The following NLRP8 variants were observed in gnomAD, a reference collection of about 807,000 sequenced individuals.
NLRP8 encodes the protein NLR family pyrin domain containing 8.
NLRP8 carries 86 observed loss-of-function variants against 88.7 expected under a neutral mutation model. That is an observed-to-expected ratio of 0.97 (90% CI 0.81 to 1.16). The LOEUF is 1.16. NLRP8 is among the 50% of genes most tolerant of loss of function. The pLI, the probability that NLRP8 is intolerant of heterozygous loss-of-function variation, is 0.00. For synonymous variants in NLRP8, 504 were observed against 494.6 expected (o/e 1.02, Z -0.25); for missense variants, 1,342 against 1,286.5 (o/e 1.04, Z -0.66).
chr19:55,970,529 A>G lies in NLRP8; in HGVS notation c.2382-15A>G, dbSNP rs1335098411. On this transcript the variant is annotated splice_polypyrimidine_tract_variant and intron_variant, in intron 5 of 9. Coordinates refer to ENST00000291971, the MANE Select transcript of NLRP8 (RefSeq NM_176811.2). ...CCCAGAACCATGGCTCAGCATTTGT[A>G]TCTGGCTTCTACAGGTTGGAAGACT... The G allele has an allele frequency of 6.2e-7, 1 of 1,613,592 alleles. No individual in the cohort carries two copies. The highest frequency in any genetic ancestry group is 1.7e-5 in the Admixed American group (1 of 59,918).
chr19:55,972,394 T>A (rs1980114180), intron 6 of NLRP8, among the ~76,000 whole-genome samples: 1 of 151,566 alleles, frequency 6.6e-6, no homozygotes, highest in Admixed American at 6.6e-5. Context: ...GGATTACAGA[T>A]GTGAGCCACT....
In NLRP8 at chr19:55,948,235, T is replaced by C. The variant is rs753266477; in HGVS notation, c.333T>C (p.Asp111=). The C allele has an allele frequency of 4.6e-5, 74 of 1,613,900 alleles. No individual in the cohort carries two copies. Among genetic ancestry groups the C allele is most frequent in the Non-Finnish European group, 5.8e-5 (68 of 1,179,954 alleles). The change falls in exon 1 of 10, where the codon GAT becomes GAC. Residue 111 remains aspartate (D), a synonymous_variant. Transcript: ENST00000291971. ...ACATCTTTGCCATTATGAACTGTGATAAAATGTGTGTTGTAGTCCGCAGAG... is the reference window on the plus strand; with the variant it reads ...ACATCTTTGCCATTATGAACTGTGACAAAATGTGTGTTGTAGTCCGCAGAG...
intron 3 of NLRP8, among the ~76,000 whole-genome samples, chr19:55,956,586 T>C (rs1979367573): frequency 6.6e-6 from 1 of 152,042 alleles, no homozygotes; most frequent in Admixed American, 6.6e-5. Flanking sequence ...CGGTGATACA[T>C]GTTTGTTTTA....
Position 55,955,513 on chromosome 19 carries a change from C to T in NLRP8, c.1455C>T (p.Thr485=), listed in dbSNP as rs780563272. Residue 485 remains threonine, a synonymous_variant, in exon 3 of 10, where the codon ACC becomes ACT. Transcript: ENST00000291971. ...CCAAGCTGGATCAGACGGGAGTCAC[C>T]GCCTTCCTTGGCATGAGTATTCTTC... 10 of 1,614,032 alleles carry T rather than the reference C, an allele frequency of 6.2e-6. No homozygotes were observed. In the African/African-American group the frequency reaches 9.3e-5, roughly 15 times the overall value.
chr19:55,984,609 G>C (rs56110121), intron 9 of NLRP8, among the ~76,000 whole-genome samples: 1 of 145,674 alleles, frequency 6.9e-6, no homozygotes, highest in Non-Finnish European at 1.5e-5. Context: ...AGCCGAGATC[G>C]CGCCATTGCA....
chr19:55,959,746 A>G (rs554708375), intron 3 of NLRP8, among the ~76,000 whole-genome samples: 1 of 152,338 alleles, frequency 6.6e-6, no homozygotes, highest in South Asian at 2.1e-4. Flanking sequence ...TCACCAGACC[A>G]ATTAAAAATT....
intron 7 of NLRP8, among the ~76,000 whole-genome samples, chr19:55,975,306 G>T (rs1020944102): frequency 6.6e-6 from 1 of 152,190 alleles, no homozygotes; most frequent in African/African-American, 2.4e-5. Flanking sequence ...CTGAAACACT[G>T]ATACTGTTAG....
Position 55,962,057 on chromosome 19 carries a change from T to A in NLRP8, c.2043-10T>A. On this transcript the variant is annotated splice_polypyrimidine_tract_variant and intron_variant, in intron 3 of 9. Coordinates refer to ENST00000291971, the MANE Select transcript of NLRP8 (RefSeq NM_176811.2). The stretch of plus-strand genomic sequence containing the variant: ...GAAGAGGTGTTTTCTCTCTTCTCCC[T>A]TCCATGTAGAGCGCCAGAGAGCAAT... 1 of 1,612,092 alleles carries A rather than the reference T, an allele frequency of 6.2e-7. No individual in the cohort carries two copies. Among genetic ancestry groups the A allele is most frequent in the Non-Finnish European group, 8.5e-7 (1 of 1,179,244 alleles).
chr19:55,962,701 G>A (rs772363508), intron 4 of NLRP8, among the ~76,000 whole-genome samples: 9 of 152,154 alleles, frequency 5.9e-5, no homozygotes, highest in Non-Finnish European at 8.8e-5. Flanking sequence ...GATCACCCGA[G>A]CCCAGGAGGC....
Position 55,987,804 on chromosome 19 carries a change from C to A in NLRP8, c.3048-10C>A. The stretch of plus-strand genomic sequence containing the variant: ...ACCTCAACCAGCAGCCTTCCTTTAC[C>A]TCCCTCCAGCTGTATTCCTGCCTGG... On this transcript the variant is annotated splice_polypyrimidine_tract_variant and intron_variant, in intron 9 of 9. Coordinates refer to ENST00000291971, the MANE Select transcript of NLRP8 (RefSeq NM_176811.2). 1.2e-6 allele frequency: 2 copies of A among 1,606,170 alleles called. No homozygotes were observed. Among genetic ancestry groups the A allele is most frequent in the Non-Finnish European group, 1.7e-6 (2 of 1,172,864 alleles).
rs1980941240 is a variant in NLRP8 at position 55,988,127 on chromosome 19, T to C, written c.*214T>C. 2 of 443,906 alleles carry C rather than the reference T, an allele frequency of 4.5e-6. No homozygotes were observed. Among genetic ancestry groups the C allele is most frequent in the Non-Finnish European group, 8.3e-6 (2 of 241,312 alleles). 27.5% of individuals were successfully genotyped at this position (443,906 alleles called of 1,614,324 possible). ...GCTATGTAAGGCTGGGCGTGGTGGC[T>C]CACGCCTGTAACCCAGCACTATGGG... On this transcript the variant is annotated 3_prime_UTR_variant, in exon 10 of 10. Coordinates refer to ENST00000291971, the MANE Select transcript of NLRP8 (RefSeq NM_176811.2).
Position 55,954,678 on chromosome 19 carries a change from C to A in NLRP8, c.620C>A (p.Ala207Asp). The A allele has an allele frequency of 6.2e-7, 1 of 1,614,172 alleles. No individual in the cohort carries two copies. The highest frequency in any genetic ancestry group is 1.7e-5 in the Admixed American group (1 of 60,022). Residue 207 changes from alanine (A) to aspartate (D), a missense_variant, in exon 3 of 10, where the codon GCC becomes GAC. Transcript: ENST00000291971. ...CAGGGTAGACAGCCCAAGACCGTGGCCATACAGGGAGCTCCTGGGATCGGA... is the reference window on the plus strand; with the variant it reads ...CAGGGTAGACAGCCCAAGACCGTGGACATACAGGGAGCTCCTGGGATCGGA...
chr19:55,981,691 A>G (rs1445186618), intron 9 of NLRP8, among the ~76,000 whole-genome samples: 1 of 152,188 alleles, frequency 6.6e-6, no homozygotes, highest in Non-Finnish European at 1.5e-5. Flanking sequence ...GTACTGGAAA[A>G]AGGAAATCAC....
chr19:55,987,949 C>G lies in NLRP8; in HGVS notation c.*36C>G, dbSNP rs756232658. Reference sequence around the variant, plus strand: ...CATCTTTCTCTGGGGCTTGATTGATCAGTTCCCACTCTGACAACTGGCAAA... The same window carrying G: ...CATCTTTCTCTGGGGCTTGATTGATGAGTTCCCACTCTGACAACTGGCAAA... On this transcript the variant is annotated 3_prime_UTR_variant, in exon 10 of 10. Coordinates refer to ENST00000291971, the MANE Select transcript of NLRP8 (RefSeq NM_176811.2). 4.0e-6 allele frequency: 6 copies of G among 1,487,400 alleles called. No homozygotes were observed. The Admixed American group carries it at 1.0e-4, about 25-fold the overall frequency. The allele number at this position is 1,487,400 out of a possible 1,614,324, so 92.1% of individuals were successfully genotyped here.
chr19:55,956,002 C>T lies in NLRP8; in HGVS notation c.1944C>T (p.Cys648=). The T allele has an allele frequency of 6.2e-7, 1 of 1,614,062 alleles. No homozygotes were observed. Among genetic ancestry groups the T allele is most frequent in the Non-Finnish European group, 8.5e-7 (1 of 1,179,996 alleles). The stretch of plus-strand genomic sequence containing the variant: ...AAGAAGTTCAAGTGTCTGCTTTTTG[C>T]CTGAAGCGGTGTCAATATTTGCATG... Residue 648 remains cysteine (C), a synonymous_variant, in exon 3 of 10, where the codon TGC becomes TGT. Coordinates refer to ENST00000291971, the MANE Select transcript of NLRP8 (RefSeq NM_176811.2).
chr19:55,982,319 CAGAG>C (rs1448304511), intron 9 of NLRP8, among the ~76,000 whole-genome samples: 1 of 152,172 alleles, frequency 6.6e-6, no homozygotes, highest in African/African-American at 2.4e-5. Context: ...ATCAGTAAAT[CAGAG>C]AGATATCTGC....
Position 55,954,497 on chromosome 19 carries a change from C to G in NLRP8, c.443-4C>G, listed in dbSNP as rs749957323. On this transcript the variant is annotated splice_polypyrimidine_tract_variant and splice_region_variant and intron_variant, in intron 2 of 9. Transcript: ENST00000291971. ...CCTTTATTTCTCCCATCTCACAAAT[C>G]TAGGTAAAATACGGCGGTATAAATC... is the stretch of plus-strand genomic sequence containing the variant. The G allele has an allele frequency of 1.2e-6, 2 of 1,610,938 alleles. No homozygotes were observed. The highest frequency in any genetic ancestry group is 1.7e-6 in the Non-Finnish European group (2 of 1,178,326).
rs950434974 is a variant in NLRP8, at chr19:55,986,809, A to G, written c.3048-1005A>G. 3.3e-4 allele frequency among the ~76,000 whole-genome samples: 50 copies of G among 151,996 alleles called. 1 individual carries two copies. The highest frequency in any genetic ancestry group is 1.1e-3 in the African/African-American group (47 of 41,470). On this transcript the variant is annotated intron_variant, in intron 9 of 9. Transcript: ENST00000291971. ...AGAGCTGGACCTGCTCTTGGTGGTG[A>G]GGTGTGAAGCTGGTGAGTATTCCTC... is the stretch of plus-strand genomic sequence containing the variant.
At chr19:55,974,257 A>G (rs1290084753) in intron 7 of NLRP8, among the ~76,000 whole-genome samples, 3 of 152,012 alleles carry the variant, frequency 2.0e-5, no homozygotes, top group Non-Finnish European at 4.4e-5. Context: ...TCAGAGCTAC[A>G]CTCTCTTATA....
Sources: gnomAD v4.1 joint callset for allele counts (sites outside exome capture counted in the v4.1 genomes callset) on GRCh38, gnomAD v4.1.1 for gene constraint, MANE v1.5 for transcripts, NCBI Gene and HGNC (gene_info 2026-07-23, HGNC 2026-07-21) for gene names.